ADCK1: variants seen among roughly 807,000 people sequenced by gnomAD.
ADCK1 encodes aarF domain-containing protein kinase 1.
A neutral mutation model predicts 52.3 loss-of-function variants in ADCK1; 41 were observed. The ratio of observed to expected loss-of-function variants is 0.78; its 90% CI spans 0.61 to 1.02. The LOEUF is 1.02. Among genes scored for constraint, ADCK1 ranks in the 50% least tolerant of loss-of-function variants. ADCK1 has a pLI of 0.00. For synonymous variants in ADCK1, 250 were observed against 274.6 expected (o/e 0.91, Z 0.89); for missense variants, 658 against 679.5 (o/e 0.97, Z 0.35).
At chr14:77,821,487 G>A (rs554215434) in intron 2 of ADCK1, among the ~76,000 whole-genome samples, 114 of 152,220 alleles carry the variant, frequency 7.5e-4, no homozygotes, top group Non-Finnish European at 1.4e-3. Context: ...TATAAAGGAA[G>A]GTTTGGGGTA....
At chr14:77,842,889 TTTC>T (rs1295619621) in intron 3 of ADCK1, among the ~76,000 whole-genome samples, 1 of 117,090 alleles carries the variant, frequency 8.5e-6, no homozygotes, top group Non-Finnish European at 1.8e-5. Context: ...CTTTTCTTTC[TTTC>T]TTTTTTTTTT....
intron 5 of ADCK1, among the ~76,000 whole-genome samples, chr14:77,894,385 C>CAGTA (rs2140226623): frequency 6.6e-6 from 1 of 152,244 alleles, no homozygotes; most frequent in East Asian, 1.9e-4. Flanking sequence ...TTATAATGTA[C>CAGTA]AGTAACTTGA....
intron 9 of ADCK1, among the ~76,000 whole-genome samples, chr14:77,927,052 G>A (rs1316504271): frequency 1.3e-5 from 2 of 152,162 alleles, no homozygotes; most frequent in Non-Finnish European, 2.9e-5. Flanking sequence ...AAAGCCCTGG[G>A]CTCCAGCGCC....
At chr14:77,811,396 A>T (rs149921632) in intron 1 of ADCK1, among the ~76,000 whole-genome samples, 2 of 152,190 alleles carry the variant, frequency 1.3e-5, no homozygotes, top group Non-Finnish European at 2.9e-5. Context: ...TGAGGTTCAG[A>T]GAGATTTAGC....
At chr14:77,810,777 T>C (rs8018741) in intron 1 of ADCK1, among the ~76,000 whole-genome samples, 129,330 of 151,984 alleles carry the variant, frequency 0.85, 55,150 homozygotes, top group African/African-American at 0.9. Context: ...ATGATTTGCC[T>C]GCCTCAGCCT....
At chr14:77,919,465 A>G (rs2083999625) in intron 7 of ADCK1, among the ~76,000 whole-genome samples, 1 of 152,186 alleles carries the variant, frequency 6.6e-6, no homozygotes, top group African/African-American at 2.4e-5. Flanking sequence ...TATGTATACC[A>G]CATTTTCTTT....
intron 3 of ADCK1, among the ~76,000 whole-genome samples, chr14:77,830,005 T>G (rs2081806739): frequency 6.6e-6 from 1 of 151,184 alleles, no homozygotes; most frequent in Admixed American, 6.6e-5. Flanking sequence ...GCAAATAGGA[T>G]TAGAGCTAGG....
chr14:77,915,943 G>A lies in ADCK1; in HGVS notation c.858+8024G>A, dbSNP rs561709590. On this transcript the variant is annotated intron_variant, in intron 7 of 10. Coordinates refer to ENST00000238561, the MANE Select transcript of ADCK1 (RefSeq NM_020421.4). The stretch of plus-strand genomic sequence containing the variant: ...TTTGATGACTGAAACAGAACGCTTG[G>A]TACGGTGCCAGGCCCAGCATATGTC... Among the ~76,000 whole-genome samples, 4 of 152,324 alleles carry A rather than the reference G, an allele frequency of 2.6e-5. No individual in the cohort carries two copies. In the East Asian group the frequency reaches 5.8e-4, roughly 22 times the overall value.
chr14:77,825,904 A>G (rs1017516438), intron 3 of ADCK1, among the ~76,000 whole-genome samples: 1 of 152,086 alleles, frequency 6.6e-6, no homozygotes, highest in Non-Finnish European at 1.5e-5. Flanking sequence ...CTTGGCATCC[A>G]CTGGTGTAAC....
chr14:77,864,206 C>T (rs561177251), intron 4 of ADCK1, among the ~76,000 whole-genome samples: 3 of 152,126 alleles, frequency 2.0e-5, no homozygotes, highest in South Asian at 4.2e-4. Context: ...GCAGGGGTAC[C>T]GTTGTGCAAC....
At chr14:77,876,481 C>T (rs916459511) in intron 4 of ADCK1, among the ~76,000 whole-genome samples, 1 of 152,206 alleles carries the variant, frequency 6.6e-6, no homozygotes, top group Non-Finnish European at 1.5e-5. Context: ...TGCAAAGTAT[C>T]TTTTGCCATA....
chr14:77,897,861 T>C (rs923287734), intron 5 of ADCK1, among the ~76,000 whole-genome samples: 3 of 152,266 alleles, frequency 2.0e-5, no homozygotes, highest in East Asian at 3.9e-4. Flanking sequence ...ACAGCAGCAG[T>C]TGAGCTAAGT....
intron 4 of ADCK1, among the ~76,000 whole-genome samples, chr14:77,862,347 G>A (rs1472780702): frequency 1.3e-5 from 2 of 152,138 alleles, no homozygotes; most frequent in Non-Finnish European, 2.9e-5. Flanking sequence ...CTGCCCTTGG[G>A]GCTGTGGGTC....
intron 7 of ADCK1, among the ~76,000 whole-genome samples, chr14:77,913,851 G>T (rs1450337435): frequency 6.6e-6 from 1 of 152,130 alleles, no homozygotes; most frequent in Non-Finnish European, 1.5e-5. Context: ...AGAGACGTGG[G>T]ATCCAGGAGG....
intron 6 of ADCK1, among the ~76,000 whole-genome samples, chr14:77,903,760 C>A (rs1357979415): frequency 6.6e-6 from 1 of 152,118 alleles, no homozygotes; most frequent in Admixed American, 6.5e-5. Context: ...GAGCCCAGGA[C>A]TCTAGAAATT....
chr14:77,868,662 G>T (rs2082712688), intron 4 of ADCK1, among the ~76,000 whole-genome samples: 1 of 152,110 alleles, frequency 6.6e-6, no homozygotes, highest in Non-Finnish European at 1.5e-5. Flanking sequence ...CCTCTGATCG[G>T]CTGGTGTGTC....
intron 1 of ADCK1, among the ~76,000 whole-genome samples, chr14:77,815,342 A>G (rs1439944786): frequency 1.3e-5 from 2 of 151,084 alleles, no homozygotes; most frequent in Non-Finnish European, 2.9e-5. Flanking sequence ...AGTAGCTGGG[A>G]CTTATAGGCG....
intron 1 of ADCK1, among the ~76,000 whole-genome samples, chr14:77,805,605 AC>A (rs1283083379): frequency 6.6e-6 from 1 of 151,942 alleles, no homozygotes; most frequent in Non-Finnish European, 1.5e-5. Flanking sequence ...ATATTTGTCA[AC>A]CTCTGTTCTA....
chr14:77,872,111 C>T (rs2082791678), intron 4 of ADCK1, among the ~76,000 whole-genome samples: 1 of 152,228 alleles, frequency 6.6e-6, no homozygotes, highest in South Asian at 2.1e-4. Flanking sequence ...TTTAGCATTT[C>T]CTCTGTCCTG....
Sources: allele counts gnomAD v4.1 joint callset (sites outside exome capture counted in the v4.1 genomes callset), GRCh38; gene constraint gnomAD v4.1.1; transcripts MANE v1.5; gene names NCBI Gene and HGNC (gene_info 2026-07-23, HGNC 2026-07-21).